The following NOL4 variants were observed in gnomAD, a reference collection of about 807,000 sequenced individuals.
NOL4 encodes the protein nucleolar protein 4.
In NOL4, 17 loss-of-function variants were observed where a neutral mutation model predicts 75.9. The observed-to-expected ratio is 0.22, with a 90% CI of 0.15 to 0.34. The LOEUF is 0.34. Among genes scored for constraint, NOL4 ranks in the 10% least tolerant of loss-of-function variants. The probability of loss-of-function intolerance (pLI) is 1.00; values close to 1 mark genes in which losing one functional copy is unlikely to be tolerated. For synonymous variants in NOL4, 292 were observed against 289.9 expected, an observed-to-expected ratio of 1.01 and a Z score of -0.07; for missense variants, 614 against 793.5, an observed-to-expected ratio of 0.77 and a Z score of 2.72.
At chr18:33,961,370 T>C (rs1336521364) in intron 6 of NOL4, among the ~76,000 whole-genome samples, 1 of 151,998 alleles carries the variant, frequency 6.6e-6, no homozygotes, top group Non-Finnish European at 1.5e-5. Flanking sequence ...AGGGCCTGAA[T>C]AGAATACAAA....
Position 33,873,189 on chromosome 18 carries a change from A to T in NOL4, c.1723+10055T>A, listed in dbSNP as rs2063778757. On this transcript the variant is annotated intron_variant, in intron 10 of 10. Coordinates refer to ENST00000261592, the MANE Select transcript of NOL4 (RefSeq NM_003787.5). ...GTGGGGGATTGCTTAGCTTCTGTGAATTACTTTTAGGCTATACTCTATAAA... is the reference window on the plus strand; with the variant it reads ...GTGGGGGATTGCTTAGCTTCTGTGATTTACTTTTAGGCTATACTCTATAAA... Among the ~76,000 whole-genome samples the T allele has an allele frequency of 2.0e-5, 3 of 152,094 alleles. No individual in the cohort carries two copies. The East Asian group carries it at 5.8e-4, about 30-fold the overall frequency.
intron 5 of NOL4, among the ~76,000 whole-genome samples, chr18:34,032,022 A>G (rs919937306): frequency 6.6e-6 from 1 of 152,222 alleles, no homozygotes; most frequent in African/African-American, 2.4e-5. Context: ...TCCGGGGACT[A>G]GTGGTGCTGC....
At chr18:33,998,944 A>C (rs146822088) in intron 6 of NOL4, among the ~76,000 whole-genome samples, 1,630 of 152,214 alleles carry the variant, frequency 0.011, 16 homozygotes, top group South Asian at 0.022. Flanking sequence ...TGTAAAAAAC[A>C]ATGTGGAGAG....
At chr18:34,202,399 A>G (rs2035803755) in intron 1 of NOL4, among the ~76,000 whole-genome samples, 1 of 151,978 alleles carries the variant, frequency 6.6e-6, no homozygotes, top group Non-Finnish European at 1.5e-5. Context: ...TTAATCTTAG[A>G]GTTAAAAACT....
chr18:34,069,431 T>C (rs1416805723), intron 5 of NOL4, among the ~76,000 whole-genome samples: 1 of 152,110 alleles, frequency 6.6e-6, no homozygotes, highest in Non-Finnish European at 1.5e-5. Flanking sequence ...CATACAATTA[T>C]GTAATTAGAA....
intron 1 of NOL4, among the ~76,000 whole-genome samples, chr18:34,213,198 T>C (rs1011314203): frequency 8.5e-5 from 13 of 152,156 alleles, no homozygotes; most frequent in African/African-American, 3.1e-4. Context: ...AGTTCCTGTG[T>C]TGGAAACTTA....
chr18:34,162,262 A>G (rs1000751434), intron 1 of NOL4, among the ~76,000 whole-genome samples: 4 of 152,212 alleles, frequency 2.6e-5, no homozygotes, highest in Non-Finnish European at 5.9e-5. Flanking sequence ...GGAAATAGAG[A>G]CACAAAAAAC....
At chr18:34,012,175 A>G (rs560082697) in intron 6 of NOL4, among the ~76,000 whole-genome samples, 23 of 151,990 alleles carry the variant, frequency 1.5e-4, no homozygotes, top group Admixed American at 7.9e-4. Context: ...AAGGACACTG[A>G]TTTGGGTGTT....
chr18:34,194,461 C>CAGGAAGGA (rs2035173899), intron 1 of NOL4, among the ~76,000 whole-genome samples: 1 of 55,362 alleles, frequency 1.8e-5, no homozygotes, highest in Non-Finnish European at 3.4e-5. Flanking sequence ...GGAAGGAAGG[C>CAGGAAGGA]AGGCAGGCAG....
At chr18:34,094,581 G>C (rs1471108383) in intron 4 of NOL4, among the ~76,000 whole-genome samples, 1 of 152,220 alleles carries the variant, frequency 6.6e-6, no homozygotes, top group Non-Finnish European at 1.5e-5. Flanking sequence ...ACTTCGTTTG[G>C]AGAACTGATT....
rs891685275 is a variant in NOL4, at chr18:34,122,052, G to T, written c.414+7819C>A. 3.3e-5 allele frequency among the ~76,000 whole-genome samples: 5 copies of T among 152,106 alleles called. 1 individual carries two copies. The highest frequency in any genetic ancestry group is 2.0e-4 in the Admixed American group (3 of 15,270). ...ATGTATTATCTATTGATAAGAAAAA[G>T]CACAGAAAGATAGAAATTTCCTGTT... is the stretch of plus-strand genomic sequence containing the variant. On this transcript the variant is annotated intron_variant, in intron 2 of 10. Coordinates refer to ENST00000261592, the MANE Select transcript of NOL4 (RefSeq NM_003787.5).
chr18:34,147,176 T>G (rs934950691), intron 1 of NOL4, among the ~76,000 whole-genome samples: 3 of 152,156 alleles, frequency 2.0e-5, no homozygotes, highest in Admixed American at 2.0e-4. Context: ...ATAGACGATT[T>G]GACTTTCTCT....
intron 5 of NOL4, chr18:34,048,336 CAG>C (rs2076473735): frequency 7.5e-6 from 4 of 535,046 alleles, no homozygotes; most frequent in Admixed American, 6.4e-5. Flanking sequence ...TGGCATTTAT[CAG>C]AGTCTACTCC....
At chr18:33,911,257 T>TATG (rs1443838022) in intron 9 of NOL4, among the ~76,000 whole-genome samples, 3 of 152,062 alleles carry the variant, frequency 2.0e-5, no homozygotes, top group Non-Finnish European at 4.4e-5. Context: ...CTGGTAATTT[T>TATG]ATGTGCTCTT....
intron 8 of NOL4, among the ~76,000 whole-genome samples, chr18:33,953,968 T>A (rs1161668279): frequency 6.6e-6 from 1 of 152,126 alleles, no homozygotes. Context: ...ATACTTTAGT[T>A]GAATATGCAG....
At chr18:34,068,521 T>C (rs1600471312) in intron 5 of NOL4, among the ~76,000 whole-genome samples, 1 of 152,106 alleles carries the variant, frequency 6.6e-6, no homozygotes, top group Non-Finnish European at 1.5e-5. Context: ...TGCTTCAGCC[T>C]CCTGAGTGGC....
chr18:34,064,918 AACACACAC>A (rs66465203), intron 5 of NOL4, among the ~76,000 whole-genome samples: 144 of 95,558 alleles, frequency 1.5e-3, no homozygotes, highest in Admixed American at 3.8e-3. Flanking sequence ...GGTATTTTTT[AACACACAC>A]ACACACACAC....
At chr18:34,134,270 T>C (rs540685638) in intron 1 of NOL4, among the ~76,000 whole-genome samples, 1 of 152,176 alleles carries the variant, frequency 6.6e-6, no homozygotes, top group Admixed American at 6.5e-5. Flanking sequence ...ACATACTATA[T>C]ATCTGAAGTA....
chr18:33,864,590 T>C (rs141861985), intron 10 of NOL4, among the ~76,000 whole-genome samples: 1 of 152,310 alleles, frequency 6.6e-6, no homozygotes, highest in Non-Finnish European at 1.5e-5. Context: ...CACATCTTCC[T>C]GTTTTCCTCT....
Sources: allele counts gnomAD v4.1 joint callset (sites outside exome capture counted in the v4.1 genomes callset), GRCh38; gene constraint gnomAD v4.1.1; transcripts MANE v1.5; gene names NCBI Gene and HGNC (gene_info 2026-07-23, HGNC 2026-07-21).